Variants in TNRC6A observed in about 807,000 individuals in gnomAD.
TNRC6A encodes the protein trinucleotide repeat-containing gene 6A protein.
TNRC6A carries 44 observed loss-of-function variants against 221.2 expected under a neutral mutation model. That is an observed-to-expected ratio of 0.20 (90% CI 0.16 to 0.26). The LOEUF is 0.26. Ranked by LOEUF, TNRC6A falls within the 10% of genes least tolerant of loss-of-function variation. TNRC6A has a pLI of 1.00. For synonymous variants in TNRC6A, 847 were observed against 838.5 expected (o/e 1.01, Z -0.18); for missense variants, 2,199 against 2,404.4 (o/e 0.91, Z 1.79).
At chr16:24,632,221 A>G (rs1264735031) in intron 1 of TNRC6A, among the ~76,000 whole-genome samples, 1 of 152,170 alleles carries the variant, frequency 6.6e-6, no homozygotes, top group East Asian at 1.9e-4. Flanking sequence ...CTCGTCTCCC[A>G]TAACCAGCTA....
chr16:24,617,869 T>C (rs1900451782), intron 1 of TNRC6A, among the ~76,000 whole-genome samples: 1 of 152,310 alleles, frequency 6.6e-6, no homozygotes, highest in Non-Finnish European at 1.5e-5. Context: ...ATTTTATCTA[T>C]GCCTCTTAAT....
chr16:24,615,961 G>T (rs1308230228), intron 1 of TNRC6A, among the ~76,000 whole-genome samples: 1 of 150,462 alleles, frequency 6.6e-6, no homozygotes, highest in Non-Finnish European at 1.5e-5. Flanking sequence ...AGGAGGCCAA[G>T]ACAGGAGGAT....
chr16:24,623,758 C>T (rs1460281624), intron 1 of TNRC6A, among the ~76,000 whole-genome samples: 4 of 151,482 alleles, frequency 2.6e-5, no homozygotes, highest in African/African-American at 9.7e-5. Context: ...ATAAAATCAG[C>T]AGAGCATGGT....
rs1199116200 is a variant in TNRC6A at position 24,790,421 on chromosome 16, T to C, written c.1779T>C (p.Asn593=). Residue 593 remains asparagine, a synonymous_variant, in exon 6 of 25, where the codon AAT becomes AAC. Coordinates refer to ENST00000395799, the MANE Select transcript of TNRC6A (RefSeq NM_014494.4). ...CATGGGGAAGTGGAAATGGCGCAAATTCTGGAGGAAGTCGAAGAGGATGGG... is the reference window on the plus strand; with the variant it reads ...CATGGGGAAGTGGAAATGGCGCAAACTCTGGAGGAAGTCGAAGAGGATGGG... ...STSWGSGNGA[N]SGGSRRGWGT... is the part of the protein sequence containing the mutation. 6.2e-6 allele frequency: 10 copies of C among 1,614,010 alleles called. No homozygotes were observed. Among genetic ancestry groups the C allele is most frequent in the Non-Finnish European group, 8.5e-6 (10 of 1,180,046 alleles).
chr16:24,631,911 T>A (rs1901361966), intron 1 of TNRC6A, among the ~76,000 whole-genome samples: 1 of 152,044 alleles, frequency 6.6e-6, no homozygotes, highest in Admixed American at 6.5e-5. Context: ...CAGGCTGTAG[T>A]GCAGTGACTA....
At chr16:24,806,340 C>A in intron 16 of TNRC6A, 57 bp downstream of exon 16, 1 of 1,586,114 alleles carries the variant, frequency 6.3e-7, no homozygotes, top group Non-Finnish European at 8.6e-7. Context: ...CTCTGCTTAT[C>A]TCCATTGTAG....
chr16:24,703,149 T>C (rs965480954), intron 2 of TNRC6A, among the ~76,000 whole-genome samples: 2 of 152,156 alleles, frequency 1.3e-5, no homozygotes, highest in African/African-American at 2.4e-5. Flanking sequence ...TTTTAGAATA[T>C]TTTATTCACC....
intron 8 of TNRC6A, 104 bp downstream of exon 8, chr16:24,794,823 C>G: frequency 1.8e-6 from 2 of 1,094,906 alleles, no homozygotes; most frequent in Non-Finnish European, 1.3e-6. Flanking sequence ...TCAGTACAGT[C>G]CAGGCAGCCC....
chr16:24,806,406 T>G, intron 16 of TNRC6A, 123 bp downstream of exon 16: 1 of 1,386,978 alleles, frequency 7.2e-7, no homozygotes, highest in Non-Finnish European at 9.9e-7. Flanking sequence ...TAATGCAGTA[T>G]GTTTTTCATT....
At chr16:24,723,111 A>G (rs548799521) in intron 2 of TNRC6A, among the ~76,000 whole-genome samples, 1 of 152,154 alleles carries the variant, frequency 6.6e-6, no homozygotes, top group East Asian at 1.9e-4. Context: ...ATTATGCCAC[A>G]CTCATCCTGT....
At chr16:24,777,920 G>A (rs987379336) in intron 5 of TNRC6A, among the ~76,000 whole-genome samples, 1 of 152,160 alleles carries the variant, frequency 6.6e-6, no homozygotes, top group Non-Finnish European at 1.5e-5. Context: ...AATAAATCTG[G>A]TATGTGATTA....
At chr16:24,699,327 A>C (rs959964082) in intron 2 of TNRC6A, among the ~76,000 whole-genome samples, 3 of 152,146 alleles carry the variant, frequency 2.0e-5, no homozygotes, top group Non-Finnish European at 4.4e-5. Flanking sequence ...CACAGAAGAG[A>C]GACAATCAAC....
chr16:24,719,339 C>T (rs1190497166), intron 2 of TNRC6A, among the ~76,000 whole-genome samples: 4 of 152,104 alleles, frequency 2.6e-5, no homozygotes, highest in South Asian at 2.1e-4. Context: ...GACTGGGCAA[C>T]GTAGGGAGAT....
chr16:24,750,735 G>A lies in TNRC6A; in HGVS notation c.63G>A (p.Val21=). ...CAACTGTGTGGTTCAGGGATTTAGT[G>A]CAAGAAGAAGAACAGTTGATGGAAG... ...DVERNLSRDL[V]QEEEQLMEEK... is the part of the protein sequence containing the mutation. Residue 21 remains valine (V), a synonymous_variant, in exon 3 of 25, where the codon GTG becomes GTA. Transcript: ENST00000395799. The A allele has an allele frequency of 6.5e-7, 1 of 1,541,774 alleles. No homozygotes were observed. The highest frequency in any genetic ancestry group is 1.3e-5 in the South Asian group (1 of 76,560).
chr16:24,734,509 A>G (rs1683451745), intron 2 of TNRC6A, among the ~76,000 whole-genome samples: 1 of 152,224 alleles, frequency 6.6e-6, no homozygotes, highest in Non-Finnish European at 1.5e-5. Context: ...GAGCTGGACT[A>G]TGACTTTAGA....
At chr16:24,687,954 C>CTTTTCTT (rs1555489553) in intron 2 of TNRC6A, among the ~76,000 whole-genome samples, 23 of 70,622 alleles carry the variant, frequency 3.3e-4, no homozygotes, top group East Asian at 5.6e-4. Context: ...CTTTTCTTTT[C>CTTTTCTT]TTTTTTTTTT....
rs35502747 is a variant in TNRC6A, at chr16:24,781,043, C to CTTTTTTTTTTTTT, written c.589+3698_589+3710dup. 3.2e-3 allele frequency among the ~76,000 whole-genome samples: 170 copies of CTTTTTTTTTTTTT among 53,426 alleles called. 24 individuals are homozygous for CTTTTTTTTTTTTT. The highest frequency in any genetic ancestry group is 0.016 in the East Asian group (22 of 1,400). 35.0% of individuals were successfully genotyped at this position (53,426 alleles called of 152,430 possible). The stretch of plus-strand genomic sequence containing the variant: ...AAAAATTTTCTTAAGCCTCCATACT[C>CTTTTTTTTTTTTT]TTTTTTTTTTTTTTTTTTTTTTTTT... On this transcript the variant is annotated intron_variant, in intron 5 of 24. Transcript: ENST00000395799.
chr16:24,651,258 G>A (rs968002973), intron 2 of TNRC6A, among the ~76,000 whole-genome samples: 10 of 151,400 alleles, frequency 6.6e-5, no homozygotes, highest in South Asian at 2.1e-4. Flanking sequence ...AGACACATTC[G>A]CCAGGCGCCG....
At position 24,740,300 on chromosome 16, in the gene TNRC6A, C is replaced by G. The variant is rs1035657989; in HGVS notation, c.53+10000C>G. ...AAGATTGCATTGACTATTCTGGTTGCATTTCTATGTGAATTTTTGGATCAG... is the reference window on the plus strand; with the variant it reads ...AAGATTGCATTGACTATTCTGGTTGGATTTCTATGTGAATTTTTGGATCAG... On this transcript the variant is annotated intron_variant, in intron 2 of 24. Coordinates refer to ENST00000395799, the MANE Select transcript of TNRC6A (RefSeq NM_014494.4). Among the ~76,000 whole-genome samples, 3 of 152,108 alleles carry G rather than the reference C, an allele frequency of 2.0e-5. No individual in the cohort carries two copies. In the East Asian group the frequency reaches 5.8e-4, roughly 29 times the overall value.
Sources: allele counts gnomAD v4.1 joint callset (sites outside exome capture counted in the v4.1 genomes callset), GRCh38; gene constraint gnomAD v4.1.1; transcripts MANE v1.5; gene names NCBI Gene and HGNC (gene_info 2026-07-23, HGNC 2026-07-21).